Variants in TRPM7 observed in about 807,000 individuals in gnomAD.
TRPM7 encodes the protein LTRPC ion channel family member 7.
Under a neutral mutation model 229.7 loss-of-function variants are expected in TRPM7, and 134 were observed. The ratio of observed to expected loss-of-function variants is 0.58; its 90% CI spans 0.51 to 0.67. The LOEUF (loss-of-function observed/expected upper bound fraction) is 0.67. TRPM7 is among the 30% of genes least tolerant of loss of function. The pLI is 0.00. For synonymous variants in TRPM7, 699 were observed against 715.2 expected, an observed-to-expected ratio of 0.98 and a Z score of 0.36; for missense variants, 1,901 against 2,210.0, an observed-to-expected ratio of 0.86 and a Z score of 2.80.
chr15:50,588,863 T>C (rs532509404), intron 27 of TRPM7, among the ~76,000 whole-genome samples: 1 of 152,330 alleles, frequency 6.6e-6, no homozygotes, highest in East Asian at 1.9e-4. Flanking sequence ...TTAACAAACA[T>C]TTATCAAATT....
chr15:50,656,525 A>C (rs796252269), intron 3 of TRPM7, among the ~76,000 whole-genome samples: 3 of 147,260 alleles, frequency 2.0e-5, no homozygotes, highest in Admixed American at 6.8e-5. Flanking sequence ...TGGTAGACAC[A>C]GGGTCTCACT....
chr15:50,671,636 C>A lies in TRPM7; in HGVS notation c.4-8590G>T, dbSNP rs543464035. ...CCAACCTGGGCAGCATAATGAGATCCTGTCGCTACAAAAGTTTTTTTTAAT... is the reference window on the plus strand; with the variant it reads ...CCAACCTGGGCAGCATAATGAGATCATGTCGCTACAAAAGTTTTTTTTAAT... On this transcript the variant is annotated intron_variant, in intron 1 of 38. Coordinates refer to ENST00000646667, the MANE Select transcript of TRPM7 (RefSeq NM_017672.6). 3.6e-5 allele frequency among the ~76,000 whole-genome samples: 4 copies of A among 109,958 alleles called. No individual in the cohort carries two copies. The East Asian group carries it at 7.8e-4, about 22-fold the overall frequency. 72.1% of individuals were successfully genotyped at this position (109,958 alleles called of 152,430 possible).
Position 50,634,448 on chromosome 15 carries a change from A to G in TRPM7, c.941T>C (p.Val314Ala), listed in dbSNP as rs2060829451. Reference sequence around the variant, plus strand: ...TGCAGCTCTGCCTGTTCCTTCACACACAACTACTGGAACAGGGGGGCTTTC... The same window carrying G: ...TGCAGCTCTGCCTGTTCCTTCACACGCAACTACTGGAACAGGGGGGCTTTC... The part of the protein sequence containing the change: ...LQESPPVPVV[V>A]CEGTGRAADL... The change falls in exon 8 of 39, where the codon GTG becomes GCG. Residue 314 changes from valine (V) to alanine (A), a missense_variant. Val to Ala is a moderately conservative substitution (Grantham distance 64). This residue lies in a region of TRPM7 where 794 missense variants were observed against 881.9 expected (regional missense o/e 0.90). Coordinates refer to ENST00000646667, the MANE Select transcript of TRPM7 (RefSeq NM_017672.6). The G allele has an allele frequency of 6.3e-7, 1 of 1,588,234 alleles. No homozygotes were observed. The highest frequency in any genetic ancestry group is 8.6e-7 in the Non-Finnish European group (1 of 1,169,296).
At chr15:50,655,267 C>T (rs775930226) in intron 3 of TRPM7, among the ~76,000 whole-genome samples, 2 of 151,476 alleles carry the variant, frequency 1.3e-5, no homozygotes, top group African/African-American at 2.4e-5. Flanking sequence ...AATCCCATCT[C>T]TACTAATAAT....
Position 50,605,044 on chromosome 15 carries a change from A to G in TRPM7, c.2810T>C (p.Ile937Thr). The change falls in exon 21 of 39, where the codon ATT becomes ACT. Residue 937 changes from isoleucine (I) to threonine (T), a missense_variant. Ile to Thr is a moderately conservative substitution (Grantham distance 89, BLOSUM62 -1). Coordinates refer to ENST00000646667, the MANE Select transcript of TRPM7 (RefSeq NM_017672.6). ...TGCTCCAAATCTTAGTCCAAATCCA[A>G]TGAAGAAAGAAATTATGGCAATTGT... ...SDTIAIISFF[I>T]GFGLRFGAKW... 1.2e-6 allele frequency: 2 copies of G among 1,613,944 alleles called. No individual in the cohort carries two copies. The highest frequency in any genetic ancestry group is 2.2e-5 in the East Asian group (1 of 44,802).
intron 22 of TRPM7, among the ~76,000 whole-genome samples, chr15:50,597,845 G>C (rs887705142): frequency 3.9e-5 from 6 of 152,022 alleles, no homozygotes; most frequent in African/African-American, 7.2e-5. Flanking sequence ...CTTGAACCTG[G>C]AAGACAGAGG....
At chr15:50,666,645 A>C (rs900356892) in intron 1 of TRPM7, among the ~76,000 whole-genome samples, 1 of 152,154 alleles carries the variant, frequency 6.6e-6, no homozygotes, top group Non-Finnish European at 1.5e-5. Flanking sequence ...TCTACTAAAA[A>C]TACAAAATTA....
intron 13 of TRPM7, among the ~76,000 whole-genome samples, chr15:50,617,134 AT>A (rs1238892561): frequency 2.9e-3 from 76 of 26,382 alleles, no homozygotes; most frequent in African/African-American, 7.8e-3. Context: ...TACCAAAAAA[AT>A]AAATAAATAA....
At chr15:50,618,067 AATAAAT>A (rs2060278188) in intron 13 of TRPM7, among the ~76,000 whole-genome samples, 1 of 152,204 alleles carries the variant, frequency 6.6e-6, no homozygotes, top group Admixed American at 6.5e-5. Flanking sequence ...ATTTTAACCA[AATAAAT>A]ATAAATACTA....
intron 36 of TRPM7, among the ~76,000 whole-genome samples, chr15:50,571,210 G>A (rs1304702421): frequency 1.3e-5 from 2 of 152,166 alleles, no homozygotes; most frequent in East Asian, 3.8e-4. Flanking sequence ...CCAACAGAAT[G>A]GCAAACATTA....
chr15:50,592,586 G>A lies in TRPM7; in HGVS notation c.3649C>T (p.Arg1217Cys), dbSNP rs765886758. The A allele has an allele frequency of 8.1e-6, 13 of 1,604,350 alleles. No individual in the cohort carries two copies. The South Asian group carries it at 9.9e-5, about 12-fold the overall frequency. The change falls in exon 26 of 39, where the codon CGT (arginine) becomes TGT (cysteine). Residue 1217 changes from arginine to cysteine, a missense_variant. Arg to Cys is a radical substitution (Grantham distance 180). Coordinates refer to ENST00000646667, the MANE Select transcript of TRPM7 (RefSeq NM_017672.6). ...AATGATCTTTTTATGTAGTTGACAC[G>A]ATCTCCAACTTCTTTAATCTGAATG... ...MCIQIKEVGD[R>C]VNYIKRSLQS...
chr15:50,598,511 T>C (rs953080716), intron 22 of TRPM7, among the ~76,000 whole-genome samples: 1 of 152,210 alleles, frequency 6.6e-6, no homozygotes, highest in Admixed American at 6.5e-5. Context: ...ACAGGATCAT[T>C]ATTTTTGTAA....
chr15:50,682,650 T>C (rs12916122), intron 1 of TRPM7, among the ~76,000 whole-genome samples: 11,437 of 152,054 alleles, frequency 0.075, 558 homozygotes, highest in South Asian at 0.12. Context: ...ACAAAATCTC[T>C]AAAAGAACTA....
chr15:50,597,509 A>G (rs1175138652), intron 22 of TRPM7, among the ~76,000 whole-genome samples: 1 of 152,228 alleles, frequency 6.6e-6, no homozygotes, highest in African/African-American at 2.4e-5. Flanking sequence ...TTTCCATTCT[A>G]TTCAGATTAG....
At chr15:50,607,442 T>C (rs1257790651) in intron 19 of TRPM7, 114 bp from the exon 20 acceptor site, 1 of 850,360 alleles carries the variant, frequency 1.2e-6, no homozygotes, top group Non-Finnish European at 1.7e-6. Context: ...CTGTAAATTA[T>C]CTCCTAGTTT....
At chr15:50,596,529 A>G (rs1281572434) in intron 22 of TRPM7, 148 bp from the exon 23 acceptor site, 22 of 657,508 alleles carry the variant, frequency 3.3e-5, no homozygotes. Context: ...CAGCAAAAGC[A>G]TCTGGGCAAG....
At chr15:50,639,145 T>C (rs539983484) in intron 6 of TRPM7, among the ~76,000 whole-genome samples, 3 of 152,324 alleles carry the variant, frequency 2.0e-5, no homozygotes, top group Admixed American at 6.5e-5. Context: ...AAGACTAGCT[T>C]ATATGGAAAA....
At position 50,560,801 on chromosome 15, in the gene TRPM7, A is replaced by G. The variant is rs2053280169; in HGVS notation, c.*877T>C. 1 of 152,664 alleles carries G rather than the reference A, an allele frequency of 6.6e-6. No individual in the cohort carries two copies. The highest frequency in any genetic ancestry group is 2.1e-4 in the South Asian group (1 of 4,836). The allele number at this position is 152,664 out of a possible 1,614,324, so 9.5% of individuals were successfully genotyped here. On this transcript the variant is annotated 3_prime_UTR_variant, in exon 39 of 39. Transcript: ENST00000646667. ...ACATTCTGATTTGATATAACAATCA[A>G]TAAAATCTTTGGAGAAGTTTGTAAG... is the stretch of plus-strand genomic sequence containing the variant.
At chr15:50,605,525 A>C (rs2059897486) in intron 20 of TRPM7, among the ~76,000 whole-genome samples, 1 of 152,240 alleles carries the variant, frequency 6.6e-6, no homozygotes. Flanking sequence ...TCAATGGTTT[A>C]AGTAGCTGTA....
Sources: gnomAD v4.1 joint callset for allele counts (sites outside exome capture counted in the v4.1 genomes callset) on GRCh38, gnomAD v4.1.1 for gene constraint, gnomAD v4.1.1 regional missense constraint, MANE v1.5 for transcripts, NCBI Gene and HGNC (gene_info 2026-07-23, HGNC 2026-07-21) for gene names.